Variants in CYP27C1 observed in about 807,000 individuals in gnomAD.
The protein encoded by CYP27C1 is cytochrome P450 family 27 subfamily C member 1, also known as cytochrome P450 27C1.
CYP27C1 carries 29 observed loss-of-function variants against 40.6 expected under a neutral mutation model. The observed-to-expected ratio is 0.71, with a 90% CI of 0.53 to 0.97. The LOEUF (loss-of-function observed/expected upper bound fraction) is 0.97. Ranked by LOEUF, CYP27C1 falls within the 50% of genes least tolerant of loss-of-function variation. The pLI, the probability that CYP27C1 is intolerant of heterozygous loss-of-function variation, is 0.00. For missense variants in CYP27C1, 390 were observed against 485.8 expected (o/e 0.80, Z 1.85); for synonymous variants, 198 against 186.8 (o/e 1.06, Z -0.49).
At chr2:127,213,923 T>C (rs1030026900) in intron 1 of CYP27C1, among the ~76,000 whole-genome samples, 4 of 151,770 alleles carry the variant, frequency 2.6e-5, no homozygotes, top group Non-Finnish European at 5.9e-5. Context: ...CTGACAAAGG[T>C]CTAATAGCTG....
intron 8 of CYP27C1, among the ~76,000 whole-genome samples, chr2:127,192,060 C>T (rs369521315): frequency 6.6e-6 from 1 of 152,222 alleles, no homozygotes; most frequent in African/African-American, 2.4e-5. Flanking sequence ...GCCAACCAGG[C>T]TTCCCTGGTC....
intron 6 of CYP27C1, 109 bp from the exon 7 acceptor site, chr2:127,193,976 G>C (rs1379835468): frequency 8.4e-7 from 1 of 1,196,160 alleles, no homozygotes; most frequent in African/African-American, 1.5e-5. Flanking sequence ...TTCTTAAAAA[G>C]TAACACATGG....
intron 8 of CYP27C1, among the ~76,000 whole-genome samples, chr2:127,191,531 C>A (rs1682774904): frequency 6.6e-6 from 1 of 152,174 alleles, no homozygotes; most frequent in Non-Finnish European, 1.5e-5. Flanking sequence ...TTTTAGGGAG[C>A]TGAGACCTTC....
At chr2:127,217,071 C>T (rs2104703499) in intron 1 of CYP27C1, among the ~76,000 whole-genome samples, 1 of 152,322 alleles carries the variant, frequency 6.6e-6, no homozygotes, top group East Asian at 1.9e-4. Context: ...ACAAGAACTA[C>T]TGGGAAATGG....
chr2:127,218,086 C>G lies in CYP27C1; in HGVS notation c.282+1903G>C, dbSNP rs1683468721. On this transcript the variant is annotated intron_variant, in intron 1 of 8. Coordinates refer to ENST00000664447, the MANE Select transcript of CYP27C1 (RefSeq NM_001367502.1). This position sits in a 1 kb window ranked among gnomAD's most constrained non-coding sequence, Gnocchi z 6.0. ...GACTCTCTGCTCCGTGCCCCAGGGC[C>G]CTGGGTGTGGTGAAGGAAGCTGTCT... 6.6e-6 allele frequency among the ~76,000 whole-genome samples: 1 copy of G among 152,048 alleles called. No individual in the cohort carries two copies. Among genetic ancestry groups the G allele is most frequent in the South Asian group, 2.1e-4 (1 of 4,810 alleles).
At position 127,218,079 on chromosome 2, in the gene CYP27C1, C is replaced by G. The variant is rs1260564741; in HGVS notation, c.282+1910G>C. On this transcript the variant is annotated intron_variant, in intron 1 of 8. Transcript: ENST00000664447. This position sits in a 1 kb window ranked among gnomAD's most constrained non-coding sequence, Gnocchi z 6.0. ...CAGTTGTGACTCTCTGCTCCGTGCC[C>G]CAGGGCCCTGGGTGTGGTGAAGGAA... Among the ~76,000 whole-genome samples, 1 of 152,102 alleles carries G rather than the reference C, an allele frequency of 6.6e-6. No homozygotes were observed. The highest frequency in any genetic ancestry group is 2.4e-5 in the African/African-American group (1 of 41,408).
At position 127,184,025 on chromosome 2, in the gene CYP27C1, G is replaced by C. The variant is rs1362143902; in HGVS notation, c.*3246C>G. 1 of 152,194 alleles carries C rather than the reference G, an allele frequency of 6.6e-6. No homozygotes were observed. Among genetic ancestry groups the C allele is most frequent in the Admixed American group, 6.6e-5 (1 of 15,260 alleles). The allele number at this position is 152,194 out of a possible 1,614,324, so 9.4% of individuals were successfully genotyped here. A position where few individuals can be genotyped will look rare whatever the true frequency, so the allele number is the denominator to read the frequency against. On this transcript the variant is annotated 3_prime_UTR_variant, in exon 9 of 9. Transcript: ENST00000664447. Reference sequence around the variant, plus strand: ...ATACCCACCTCCTGCAGCAAGCTGGGTTATTTTAAAGCAAATCCAAGATGC... The same window carrying C: ...ATACCCACCTCCTGCAGCAAGCTGGCTTATTTTAAAGCAAATCCAAGATGC...
chr2:127,199,112 C>T (rs531903373), intron 5 of CYP27C1, among the ~76,000 whole-genome samples: 1 of 152,288 alleles, frequency 6.6e-6, no homozygotes, highest in East Asian at 1.9e-4. Flanking sequence ...TGGTGAAACC[C>T]CCGTTGCTAC....
rs778932598 is a variant in CYP27C1 at position 127,193,284 on chromosome 2, A to T, written c.1307T>A (p.Leu436His). Residue 436 changes from leucine to histidine, a missense_variant, in exon 8 of 9, where the codon CTT (leucine) becomes CAT (histidine). Physicochemically the swap from Leu to His is moderately conservative, Grantham distance 99. Coordinates refer to ENST00000664447, the MANE Select transcript of CYP27C1 (RefSeq NM_001367502.1). Reference protein sequence around the residue: ...YLIPKGTQLALCHYATSYQDE... With the variant: ...YLIPKGTQLAHCHYATSYQDE... ...CTGGTACGATGTGGCATAGTGGCAA[A>T]GGGCCAGCTGGGTCTGAGGAAATCA... 25 of 1,614,044 alleles carry T rather than the reference A, an allele frequency of 1.5e-5. 1 individual carries two copies. The South Asian group carries it at 2.5e-4, about 16-fold the overall frequency.
chr2:127,190,805 G>A (rs997841628), intron 8 of CYP27C1, among the ~76,000 whole-genome samples: 6 of 151,286 alleles, frequency 4.0e-5, no homozygotes, highest in Non-Finnish European at 8.8e-5. Flanking sequence ...AAATTAGCTG[G>A]GCATGGTGGC....
chr2:127,212,205 CT>C (rs1329739055), intron 1 of CYP27C1, among the ~76,000 whole-genome samples: 1 of 152,110 alleles, frequency 6.6e-6, no homozygotes, highest in African/African-American at 2.4e-5. Flanking sequence ...AAGCCCAGGA[CT>C]AGATGGATTC....
At chr2:127,193,391 G>T (rs1682829134) in intron 7 of CYP27C1, 94 bp from the exon 8 acceptor site, 2 of 1,508,196 alleles carry the variant, frequency 1.3e-6, no homozygotes, top group African/African-American at 1.4e-5. Flanking sequence ...GTCTCCCGGG[G>T]TGCTCCCGCC....
intron 1 of CYP27C1, among the ~76,000 whole-genome samples, chr2:127,216,688 C>G (rs1429344876): frequency 6.6e-6 from 1 of 152,138 alleles, no homozygotes; most frequent in Admixed American, 6.5e-5. Flanking sequence ...CTTAAGAAAG[C>G]TGTTACTCCC....
At position 127,184,758 on chromosome 2, in the gene CYP27C1, C is replaced by A. The variant is rs35887875; in HGVS notation, c.*2513G>T. ...TCACGTATTTGTTTTGTTGGAAACC[C>A]GAGACATTGGTCCTATAGACCTCAC... is the stretch of plus-strand genomic sequence containing the variant. On this transcript the variant is annotated 3_prime_UTR_variant, in exon 9 of 9. Coordinates refer to ENST00000664447, the MANE Select transcript of CYP27C1 (RefSeq NM_001367502.1). 6.6e-6 allele frequency: 1 copy of A among 151,992 alleles called. No homozygotes were observed. The highest frequency in any genetic ancestry group is 6.5e-5 in the Admixed American group (1 of 15,272). 9.4% of individuals were successfully genotyped at this position (151,992 alleles called of 1,614,324 possible).
Position 127,200,583 on chromosome 2 carries a change from C to T in CYP27C1, c.883+539G>A, listed in dbSNP as rs1683009839. On this transcript the variant is annotated intron_variant, in intron 4 of 8. Coordinates refer to ENST00000664447, the MANE Select transcript of CYP27C1 (RefSeq NM_001367502.1). The surrounding 1 kb of genome is among the most constrained non-coding windows in gnomAD (Gnocchi z 4.2). Reference sequence around the variant, plus strand: ...ACTTGTACCTGTCCCTGCTAGCATGCTAGTGAAAATAAAAATTATTTTAAA... The same window carrying T: ...ACTTGTACCTGTCCCTGCTAGCATGTTAGTGAAAATAAAAATTATTTTAAA... Among the ~76,000 whole-genome samples the T allele has an allele frequency of 6.6e-6, 1 of 152,136 alleles. No homozygotes were observed. The highest frequency in any genetic ancestry group is 6.5e-5 in the Admixed American group (1 of 15,282).
Position 127,193,790 on chromosome 2 carries a change from C to G in CYP27C1, c.1292G>C (p.Gly431Ala). 6.2e-7 allele frequency: 1 copy of G among 1,614,238 alleles called. No homozygotes were observed. Among genetic ancestry groups the G allele is most frequent in the South Asian group, 1.1e-5 (1 of 91,088 alleles). The part of the protein sequence containing the change: ...LVIGGYLIPK[G>A]TQLALCHYAT... ...CCACCCCCATGGCCCCAAACTCACG[C>G]CTTTCGGAATCAGATACCCGCCAAT... The change falls in exon 7 of 9, where the codon GGC (glycine) becomes GCC (alanine). Residue 431 changes from glycine (G) to alanine (A), a missense_variant and splice_region_variant. Coordinates refer to ENST00000664447, the MANE Select transcript of CYP27C1 (RefSeq NM_001367502.1).
rs1683523604 is a variant in CYP27C1, at chr2:127,220,276, TC to T, written c.-7del. ...ATCCGCGCCAGCAGGGCCATGGCGCTCGTCTGCATCGGCTTGTTTGTCTGAG... is the reference window on the plus strand; with the variant it reads ...ATCCGCGCCAGCAGGGCCATGGCGCTGTCTGCATCGGCTTGTTTGTCTGAG... On this transcript the variant is annotated 5_prime_UTR_variant, in exon 1 of 9. Transcript: ENST00000664447. The surrounding 1 kb of genome is among the most constrained non-coding windows in gnomAD (Gnocchi z 4.6). Among the ~76,000 whole-genome samples the T allele has an allele frequency of 6.6e-6, 1 of 151,936 alleles. No homozygotes were observed. The highest frequency in any genetic ancestry group is 1.5e-5 in the Non-Finnish European group (1 of 67,902).
chr2:127,187,677 G>GTTGAAT (rs765064928), intron 8 of CYP27C1, among the ~76,000 whole-genome samples: 1 of 152,172 alleles, frequency 6.6e-6, no homozygotes, highest in Non-Finnish European at 1.5e-5. Flanking sequence ...AGTTTCACTT[G>GTTGAAT]CCATTTCAAA....
At chr2:127,205,572 A>G (rs1683206186) in intron 2 of CYP27C1, 2 of 557,358 alleles carry the variant, frequency 3.6e-6, no homozygotes, top group South Asian at 1.6e-4. Flanking sequence ...GTGCACAGAC[A>G]AGGGCGCTGT....
Sources: gnomAD v4.1 joint callset for allele counts (sites outside exome capture counted in the v4.1 genomes callset) on GRCh38, gnomAD v4.1.1 for gene constraint, Gnocchi (gnomAD v3.1) non-coding constraint, MANE v1.5 for transcripts, NCBI Gene and HGNC (gene_info 2026-07-23, HGNC 2026-07-21) for gene names.